FGF12: variants seen among roughly 807,000 people sequenced by gnomAD.
FGF12 encodes the protein fibroblast growth factor 12B.
A neutral mutation model predicts 23.6 loss-of-function variants in FGF12; 14 were observed. The observed-to-expected ratio is 0.59, with a 90% CI of 0.39 to 0.93. The LOEUF (loss-of-function observed/expected upper bound fraction) is 0.93, where lower values mean the gene tolerates loss of function less well. Among genes scored for constraint, FGF12 ranks in the 40% least tolerant of loss-of-function variants. The pLI is 0.00. For synonymous variants in FGF12, 62 were observed against 77.3 expected, an observed-to-expected ratio of 0.80 and a Z score of 1.04; for missense variants, 175 against 217.8, an observed-to-expected ratio of 0.80 and a Z score of 1.24.
At chr3:192,198,313 T>C (rs965790970) in intron 4 of FGF12, among the ~76,000 whole-genome samples, 3 of 152,182 alleles carry the variant, frequency 2.0e-5, no homozygotes, top group African/African-American at 7.2e-5. Context: ...TAATGGCCTT[T>C]AAAACTGACA....
At chr3:192,484,302 C>G (rs1723565884) in intron 2 of FGF12, among the ~76,000 whole-genome samples, 1 of 141,718 alleles carries the variant, frequency 7.1e-6, no homozygotes, top group African/African-American at 2.7e-5. Flanking sequence ...CAATAGAGAT[C>G]CTTCCATTTT....
chr3:192,646,388 T>C (rs759881534), intron 2 of FGF12, among the ~76,000 whole-genome samples: 20 of 152,112 alleles, frequency 1.3e-4, no homozygotes, highest in Admixed American at 2.6e-4. Flanking sequence ...ATATGAGTCA[T>C]TATATATGGC....
intron 2 of FGF12, among the ~76,000 whole-genome samples, chr3:192,463,541 T>C (rs900032908): frequency 2.6e-5 from 4 of 152,224 alleles, no homozygotes; most frequent in African/African-American, 7.2e-5. Flanking sequence ...TCTTCAAGCT[T>C]ACCTGGCCAT....
chr3:192,365,991 AAAAAC>A (rs1262530512), intron 2 of FGF12, among the ~76,000 whole-genome samples: 26 of 139,710 alleles, frequency 1.9e-4, no homozygotes, highest in Admixed American at 1.8e-3. Context: ...AAAAAAAAAA[AAAAAC>A]AACAACAAAA....
chr3:192,204,349 C>T (rs1178649135), intron 4 of FGF12, among the ~76,000 whole-genome samples: 1 of 152,174 alleles, frequency 6.6e-6, no homozygotes, highest in East Asian at 1.9e-4. Flanking sequence ...ACACATACCA[C>T]ATGTGACTAC....
chr3:192,681,588 G>A (rs1326217299), intron 2 of FGF12, among the ~76,000 whole-genome samples: 1 of 152,180 alleles, frequency 6.6e-6, no homozygotes, highest in Non-Finnish European at 1.5e-5. Context: ...TGTGACCAGA[G>A]GGATTTAGAA....
At position 192,681,499 on chromosome 3, in the gene FGF12, C is replaced by T. The variant is rs552091942; in HGVS notation, c.13+45682G>A. ...AGAATACAAGTCGTGAGATTCTAGGCGGCAGGTGAAGACAAGAAGTAGATG... is the reference window on the plus strand; with the variant it reads ...AGAATACAAGTCGTGAGATTCTAGGTGGCAGGTGAAGACAAGAAGTAGATG... On this transcript the variant is annotated intron_variant, in intron 2 of 5. Coordinates refer to ENST00000445105, the MANE Select transcript of FGF12 (RefSeq NM_004113.6). Among the ~76,000 whole-genome samples, 51 of 152,238 alleles carry T rather than the reference C, an allele frequency of 3.4e-4. No individual in the cohort carries two copies. In the South Asian group the frequency reaches 5.6e-3, roughly 17 times the overall value.
At chr3:192,405,640 T>A (rs1720926954) in intron 2 of FGF12, among the ~76,000 whole-genome samples, 2 of 151,654 alleles carry the variant, frequency 1.3e-5, no homozygotes. Flanking sequence ...AACATCAAAG[T>A]GATTATAAAA....
intron 2 of FGF12, among the ~76,000 whole-genome samples, chr3:192,482,364 T>C (rs1723504047): frequency 1.3e-5 from 2 of 152,162 alleles, no homozygotes; most frequent in Admixed American, 1.3e-4. Flanking sequence ...CCGGACGTGG[T>C]GGCTCATGCC....
intron 4 of FGF12, among the ~76,000 whole-genome samples, chr3:192,194,437 C>T (rs1716957883): frequency 6.6e-6 from 1 of 152,120 alleles, no homozygotes; most frequent in South Asian, 2.1e-4. Flanking sequence ...GAAACTGTGG[C>T]TTAGAGTCTA....
chr3:192,262,487 A>C (rs1249170525), intron 4 of FGF12, among the ~76,000 whole-genome samples: 4 of 152,166 alleles, frequency 2.6e-5, no homozygotes, highest in Non-Finnish European at 4.4e-5. Flanking sequence ...TGTTTTGGTC[A>C]ACAATGTACT....
intron 3 of FGF12, among the ~76,000 whole-genome samples, chr3:192,353,155 T>A (rs1387928509): frequency 6.6e-6 from 1 of 152,154 alleles, no homozygotes; most frequent in Non-Finnish European, 1.5e-5. Flanking sequence ...GCACTAGTCA[T>A]CACACAGAGC....
chr3:192,345,437 C>T (rs1717908843), intron 3 of FGF12, among the ~76,000 whole-genome samples: 1 of 42,890 alleles, frequency 2.3e-5, no homozygotes, highest in Admixed American at 3.2e-4. Context: ...CCTGTAATCC[C>T]AGCACTTTGG....
chr3:192,726,935 C>T (rs954646451), intron 2 of FGF12: 1 of 549,388 alleles, frequency 1.8e-6, no homozygotes, highest in Non-Finnish European at 3.2e-6. Flanking sequence ...CCCACCTCCC[C>T]CCAAAAAACT....
At chr3:192,167,772 A>ATATATATATATATATATTTTTT (rs1715302128) in intron 5 of FGF12, among the ~76,000 whole-genome samples, 1 of 15,396 alleles carries the variant, frequency 6.5e-5, no homozygotes, top group African/African-American at 2.2e-4. Context: ...TATATATAAA[A>ATATATATATATATATATTTTTT]TTTTTTTTTT....
chr3:192,155,435 T>C (rs10937534), intron 5 of FGF12, among the ~76,000 whole-genome samples: 109,811 of 152,104 alleles, frequency 0.72, 39,799 homozygotes, highest in Admixed American at 0.79. Flanking sequence ...GGGCCCACTG[T>C]TTATCTAATA....
At chr3:192,374,425 G>A (rs912430901) in intron 2 of FGF12, among the ~76,000 whole-genome samples, 6 of 152,094 alleles carry the variant, frequency 3.9e-5, no homozygotes, top group African/African-American at 7.2e-5. Context: ...TATGTACCAC[G>A]TAGGAATTTT....
At chr3:192,263,930 T>TC (rs1712917222) in intron 4 of FGF12, among the ~76,000 whole-genome samples, 1 of 152,096 alleles carries the variant, frequency 6.6e-6, no homozygotes, top group South Asian at 2.1e-4. Context: ...AAAATCATCT[T>TC]AAACAGTTAA....
At chr3:192,309,824 G>A (rs1715844057) in intron 4 of FGF12, among the ~76,000 whole-genome samples, 1 of 152,126 alleles carries the variant, frequency 6.6e-6, no homozygotes, top group Admixed American at 6.5e-5. Flanking sequence ...GGCTTCTAGA[G>A]GGAACCCATC....
Sources: allele counts gnomAD v4.1 joint callset (sites outside exome capture counted in the v4.1 genomes callset), GRCh38; gene constraint gnomAD v4.1.1; transcripts MANE v1.5; gene names NCBI Gene and HGNC (gene_info 2026-07-23, HGNC 2026-07-21).